UNC5D: variants seen among roughly 807,000 people sequenced by gnomAD.
UNC5D encodes netrin receptor UNC5D.
UNC5D carries 39 observed loss-of-function variants against 105.4 expected under a neutral mutation model. The observed-to-expected ratio is 0.37, with a 90% confidence interval of 0.29 to 0.48. UNC5D has a LOEUF of 0.48. Among genes scored for constraint, UNC5D ranks in the 20% least tolerant of loss-of-function variants. UNC5D has a pLI of 0.98. For synonymous variants in UNC5D, 452 were observed against 450.4 expected, an observed-to-expected ratio of 1.00 and a Z score of -0.04; for missense variants, 991 against 1,202.4, an observed-to-expected ratio of 0.82 and a Z score of 2.60.
In UNC5D at chr8:35,726,514, G is replaced by A. The variant is rs373853246; in HGVS notation, c.1666G>A (p.Val556Ile). 3.4e-5 allele frequency: 55 copies of A among 1,612,660 alleles called. No homozygotes were observed. Among genetic ancestry groups the A allele is most frequent in the Non-Finnish European group, 4.7e-5 (55 of 1,179,976 alleles). Residue 556 changes from valine (V) to isoleucine (I), a missense_variant, in exon 10 of 17, where the codon GTA becomes ATA. Val to Ile is a conservative substitution (Grantham distance 29). Transcript: ENST00000404895. ...GVFGHLGGRL[V>I]MPNTGVSLLI... ...CTTTGGCCATTTAGGGGGGCGCTTA[G>A]TAATGCCAAATACAGGTGGGTGGTA...
chr8:35,727,581 G>A (rs939009711), intron 10 of UNC5D: 4 of 152,112 alleles, frequency 2.6e-5, no homozygotes, highest in Admixed American at 6.5e-5. Context: ...ATGTTGTCTT[G>A]TTCTCCCCTA....
intron 4 of UNC5D, among the ~76,000 whole-genome samples, chr8:35,658,644 CTT>C (rs34252660): frequency 0.014 from 1,208 of 84,392 alleles, 9 homozygotes; most frequent in African/African-American, 0.032. Context: ...TCATGAGTGA[CTT>C]TTTTTTTTTT....
At chr8:35,397,012 T>G (rs1382977753) in intron 1 of UNC5D, among the ~76,000 whole-genome samples, 4 of 152,048 alleles carry the variant, frequency 2.6e-5, no homozygotes, top group Non-Finnish European at 5.9e-5. Flanking sequence ...GTTCAAGCAA[T>G]TCTCCTGCCT....
At chr8:35,610,499 G>A (rs960284779) in intron 4 of UNC5D, among the ~76,000 whole-genome samples, 6 of 152,144 alleles carry the variant, frequency 3.9e-5, no homozygotes, top group Non-Finnish European at 8.8e-5. Flanking sequence ...CTGAGACTGT[G>A]GAATTTTTGG....
At chr8:35,509,536 A>C in intron 1 of UNC5D, among the ~76,000 whole-genome samples, 1 of 854 alleles carries the variant, frequency 1.2e-3, no homozygotes. Flanking sequence ...TCTTTCTGAG[A>C]CCCTGGGCCA....
chr8:35,470,913 G>A (rs1021397249), intron 1 of UNC5D, among the ~76,000 whole-genome samples: 2 of 152,134 alleles, frequency 1.3e-5, no homozygotes, highest in Admixed American at 6.6e-5. Flanking sequence ...CATTTGTATT[G>A]TGTGTTTGTC....
intron 1 of UNC5D, among the ~76,000 whole-genome samples, chr8:35,467,597 A>AG (rs1809402604): frequency 6.7e-6 from 1 of 149,912 alleles, no homozygotes; most frequent in African/African-American, 2.5e-5. Context: ...AAAAAGAAGA[A>AG]AAAATCAGAC....
At chr8:35,673,301 T>C (rs1824952166) in intron 4 of UNC5D, among the ~76,000 whole-genome samples, 2 of 152,196 alleles carry the variant, frequency 1.3e-5, no homozygotes, top group Admixed American at 1.3e-4. Context: ...AAGCAAGTAA[T>C]GGCCTGAACT....
chr8:35,369,996 A>T (rs1422590520), intron 1 of UNC5D, among the ~76,000 whole-genome samples: 3 of 152,084 alleles, frequency 2.0e-5, no homozygotes, highest in Non-Finnish European at 2.9e-5. Context: ...TGGAAGTATT[A>T]TATATGATCT....
intron 1 of UNC5D, among the ~76,000 whole-genome samples, chr8:35,382,209 A>G (rs1397045518): frequency 6.6e-6 from 1 of 152,218 alleles, no homozygotes. Context: ...AAAATCTGTC[A>G]ATGTGAATTG....
intron 1 of UNC5D, among the ~76,000 whole-genome samples, chr8:35,507,210 T>C (rs947564163): frequency 5.5e-4 from 83 of 150,624 alleles, no homozygotes; most frequent in Middle Eastern, 3.4e-3. Flanking sequence ...CGCCCGCCAC[T>C]ACGCCCGGCT....
At chr8:35,403,706 A>G (rs1804620153) in intron 1 of UNC5D, among the ~76,000 whole-genome samples, 1 of 152,206 alleles carries the variant, frequency 6.6e-6, no homozygotes, top group South Asian at 2.1e-4. Context: ...TCGATTAGGG[A>G]TGCTCAACCC....
chr8:35,757,542 TTCTG>T, intron 13 of UNC5D, among the ~76,000 whole-genome samples: 1 of 152,268 alleles, frequency 6.6e-6, no homozygotes, highest in Middle Eastern at 3.4e-3. Flanking sequence ...CAGGGGCACC[TTCTG>T]TCTTTCTTAA....
Position 35,256,866 on chromosome 8 carries a change from C to T in UNC5D, c.103+20979C>T, listed in dbSNP as rs576980746. Among the ~76,000 whole-genome samples the T allele has an allele frequency of 3.3e-5, 5 of 151,730 alleles. No individual in the cohort carries two copies. In the South Asian group the frequency reaches 8.3e-4, roughly 25 times the overall value. ...CCAAAGTAGCTATTCCCAGCTTCTC[C>T]TTAGCCACTAGATACGGTAGGGAGT... is the stretch of plus-strand genomic sequence containing the variant. On this transcript the variant is annotated intron_variant, in intron 1 of 16. Coordinates refer to ENST00000404895, the MANE Select transcript of UNC5D (RefSeq NM_080872.4).
chr8:35,726,361 A>T lies in UNC5D; in HGVS notation c.1513A>T (p.Asn505Tyr). 2 of 1,614,124 alleles carry T rather than the reference A, an allele frequency of 1.2e-6. No individual in the cohort carries two copies. The highest frequency in any genetic ancestry group is 1.7e-6 in the Non-Finnish European group (2 of 1,180,008). ...VSERAEYHGK[N>Y]HSRTFPHGNN... ...TGAGAGAGCTGAGTACCACGGCAAG[A>T]ATCATTCCAGGACTTTTCCCCATGG... The change falls in exon 10 of 17, where the codon AAT (asparagine) becomes TAT (tyrosine). Residue 505 changes from asparagine to tyrosine, a missense_variant. This residue lies in a region of UNC5D where 944 missense variants were observed against 1,131.6 expected (regional missense o/e 0.83). Transcript: ENST00000404895.
chr8:35,475,380 C>T (rs922429962), intron 1 of UNC5D, among the ~76,000 whole-genome samples: 7 of 152,214 alleles, frequency 4.6e-5, no homozygotes, highest in African/African-American at 1.7e-4. Context: ...ACAGCCACCA[C>T]GGCCACCCAG....
intron 4 of UNC5D, among the ~76,000 whole-genome samples, chr8:35,646,673 A>C (rs1305932526): frequency 1.3e-5 from 2 of 152,142 alleles, no homozygotes; most frequent in Non-Finnish European, 2.9e-5. Flanking sequence ...TCTGTAATAA[A>C]AAGATAGATA....
intron 1 of UNC5D, among the ~76,000 whole-genome samples, chr8:35,363,272 C>A (rs933734964): frequency 2.0e-5 from 3 of 152,130 alleles, no homozygotes; most frequent in African/African-American, 7.2e-5. Context: ...GAGCAAGTCA[C>A]ATCTTACATG....
At chr8:35,254,303 G>T (rs1803922031) in intron 1 of UNC5D, 1 of 152,156 alleles carries the variant, frequency 6.6e-6, no homozygotes, top group Admixed American at 6.5e-5. Context: ...CATTATATTT[G>T]CCCATCCATG....
Sources: allele counts gnomAD v4.1 joint callset (sites outside exome capture counted in the v4.1 genomes callset), GRCh38; gene constraint gnomAD v4.1.1; regional missense constraint gnomAD v4.1.1; transcripts MANE v1.5; gene names NCBI Gene and HGNC (gene_info 2026-07-23, HGNC 2026-07-21).